The following CAMTA1 variants were observed in gnomAD, a reference collection of about 807,000 sequenced individuals.
CAMTA1 encodes calmodulin binding transcription activator 1.
In CAMTA1, 27 loss-of-function variants were observed where a neutral mutation model predicts 170.9. That is an observed-to-expected ratio of 0.16 (90% CI 0.12 to 0.22). The LOEUF is 0.22. Ranked by LOEUF, CAMTA1 falls within the 10% of genes least tolerant of loss-of-function variation. CAMTA1 has a pLI of 1.00. For missense variants in CAMTA1, 1,619 were observed against 2,217.2 expected, an observed-to-expected ratio of 0.73 and a Z score of 5.42; for synonymous variants, 833 against 891.5, an observed-to-expected ratio of 0.93 and a Z score of 1.17.
chr1:7,656,473 C>T (rs1240204786), intron 7 of CAMTA1, among the ~76,000 whole-genome samples: 1 of 152,246 alleles, frequency 6.6e-6, no homozygotes, highest in African/African-American at 2.4e-5. Flanking sequence ...ACCGTAATTA[C>T]CTCCTTAAAA....
intron 3 of CAMTA1, among the ~76,000 whole-genome samples, chr1:7,045,700 T>G (rs1705275676): frequency 6.6e-6 from 1 of 152,240 alleles, no homozygotes; most frequent in Non-Finnish European, 1.5e-5. Flanking sequence ...TTGTGCTGAT[T>G]AAGCCCAAAT....
intron 5 of CAMTA1, among the ~76,000 whole-genome samples, chr1:7,440,200 G>A (rs1377475322): frequency 1.3e-5 from 2 of 152,280 alleles, no homozygotes; most frequent in Non-Finnish European, 2.9e-5. Flanking sequence ...CTGGTGGGGA[G>A]AGGTGTCCAC....
At chr1:7,031,706 A>AT (rs1248242580) in intron 3 of CAMTA1, among the ~76,000 whole-genome samples, 2 of 151,804 alleles carry the variant, frequency 1.3e-5, no homozygotes, top group African/African-American at 2.4e-5. Flanking sequence ...TGCCCAGCTA[A>AT]TTTTTTTGTA....
chr1:7,610,294 C>T (rs1370296861), intron 6 of CAMTA1, among the ~76,000 whole-genome samples: 1 of 152,222 alleles, frequency 6.6e-6, no homozygotes, highest in African/African-American at 2.4e-5. Context: ...TGTCCCCAAA[C>T]CGGTGGCTCC....
Position 7,561,270 on chromosome 1 carries a change from C to T in CAMTA1, c.511-79130C>T, listed in dbSNP as rs1034616219. 6.6e-6 allele frequency among the ~76,000 whole-genome samples: 1 copy of T among 151,736 alleles called. No individual in the cohort carries two copies. The highest frequency in any genetic ancestry group is 1.5e-5 in the Non-Finnish European group (1 of 67,884). The stretch of plus-strand genomic sequence containing the variant: ...GATATTGATCATCCCAGCCCCTCTA[C>T]CATCTGCTCAGCTACCAAGGCTGAG... On this transcript the variant is annotated intron_variant, in intron 6 of 22. Transcript: ENST00000303635. This position sits in a 1 kb window ranked among gnomAD's most constrained non-coding sequence, Gnocchi z 5.3.
intron 22 of CAMTA1, among the ~76,000 whole-genome samples, chr1:7,766,214 ATTCTTAG>A (rs1394681151): frequency 2.6e-5 from 4 of 152,002 alleles, no homozygotes; most frequent in Non-Finnish European, 5.9e-5. Flanking sequence ...ATTTTGCTCT[ATTCTTAG>A]AGCGCTCGAT....
rs1483646463 is a variant in CAMTA1 at position 7,534,668 on chromosome 1, C to T, written c.510+66767C>T. On this transcript the variant is annotated intron_variant, in intron 6 of 22. Coordinates refer to ENST00000303635, the MANE Select transcript of CAMTA1 (RefSeq NM_015215.4). This position sits in a 1 kb window ranked among gnomAD's most constrained non-coding sequence, Gnocchi z 5.6. ...GTCCAGGGTCACAGCAGTGGACGTT[C>T]GGGCCGAGGGGAGCTGAGGCCACGG... is the stretch of plus-strand genomic sequence containing the variant. 6.6e-6 allele frequency among the ~76,000 whole-genome samples: 1 copy of T among 152,124 alleles called. No individual in the cohort carries two copies. The highest frequency in any genetic ancestry group is 1.5e-5 in the Non-Finnish European group (1 of 68,032).
At chr1:6,825,004 C>A in intron 2 of CAMTA1, 88 bp from the exon 3 acceptor site, 1 of 711,052 alleles carries the variant, frequency 1.4e-6, no homozygotes, top group Non-Finnish European at 2.3e-6. Flanking sequence ...ATTGACTAAA[C>A]TGAGCTGCTA....
At chr1:6,893,233 C>G (rs1489732910) in intron 3 of CAMTA1, among the ~76,000 whole-genome samples, 4 of 152,056 alleles carry the variant, frequency 2.6e-5, no homozygotes, top group Non-Finnish European at 2.9e-5. Context: ...TGCACTCCAG[C>G]CTGGGCGACA....
intron 5 of CAMTA1, among the ~76,000 whole-genome samples, chr1:7,253,424 C>T (rs1044195980): frequency 1.3e-5 from 2 of 152,132 alleles, no homozygotes; most frequent in Admixed American, 6.5e-5. Context: ...GTCCTGTGTC[C>T]GCATCTCTCT....
intron 6 of CAMTA1, among the ~76,000 whole-genome samples, chr1:7,473,104 A>G (rs1011124): frequency 0.66 from 100,941 of 152,086 alleles, 35,039 homozygotes; most frequent in African/African-American, 0.88. Flanking sequence ...TGGGCCTTCC[A>G]TCCCCAGAGT....
intron 7 of CAMTA1, among the ~76,000 whole-genome samples, chr1:7,648,620 A>G (rs562571151): frequency 6.6e-6 from 1 of 152,298 alleles, no homozygotes; most frequent in South Asian, 2.1e-4. Flanking sequence ...GCTGAATGTC[A>G]GGAGTGAGCT....
intron 10 of CAMTA1, 23 bp downstream of exon 10, chr1:7,671,060 C>A (rs2149222409): frequency 6.2e-7 from 1 of 1,611,404 alleles, no homozygotes; most frequent in East Asian, 2.2e-5. Flanking sequence ...CCCCCCAGGC[C>A]CCCAAGGTGA....
rs144902414 is a variant in CAMTA1, at chr1:7,534,182, A to G, written c.510+66281A>G. Among the ~76,000 whole-genome samples, 238 of 152,292 alleles carry G rather than the reference A, an allele frequency of 1.6e-3. No homozygotes were observed. The highest frequency in any genetic ancestry group is 2.8e-3 in the Non-Finnish European group (192 of 68,016). On this transcript the variant is annotated intron_variant, in intron 6 of 22. Coordinates refer to ENST00000303635, the MANE Select transcript of CAMTA1 (RefSeq NM_015215.4). This position sits in a 1 kb window ranked among gnomAD's most constrained non-coding sequence, Gnocchi z 5.6. ...AAGCCATACATCTTGGTGTGTGACA[A>G]ATCACTTTTTAATTGCCTGAAGGAA...
At chr1:7,448,914 G>T (rs938275465) in intron 5 of CAMTA1, among the ~76,000 whole-genome samples, 1 of 152,242 alleles carries the variant, frequency 6.6e-6, no homozygotes, top group South Asian at 2.1e-4. Context: ...CTGCCTGCTT[G>T]CTCTGAGGCA....
chr1:7,578,431 T>G (rs1036584318), intron 6 of CAMTA1, among the ~76,000 whole-genome samples: 6 of 152,178 alleles, frequency 3.9e-5, no homozygotes, highest in Non-Finnish European at 8.8e-5. Context: ...AGACCCCTTG[T>G]TCCCAGGGCA....
At chr1:7,655,830 C>T (rs1381809553) in intron 7 of CAMTA1, among the ~76,000 whole-genome samples, 1 of 152,196 alleles carries the variant, frequency 6.6e-6, no homozygotes, top group Non-Finnish European at 1.5e-5. Context: ...TGGTGTGGAC[C>T]TTTAGCCACA....
rs777944750 is a variant in CAMTA1 at position 7,664,474 on chromosome 1, G to A, written c.1927G>A (p.Val643Met). 25 of 1,613,214 alleles carry A rather than the reference G, an allele frequency of 1.5e-5. No individual in the cohort carries two copies. The highest frequency in any genetic ancestry group is 7.7e-5 in the South Asian group (7 of 91,088). ...CCTGAGTGACTCTGGGGGCACCTTC[G>A]TGATGCCCACGGTGAAAACGGAGGC... is the stretch of plus-strand genomic sequence containing the variant. ...SSLSDSGGTF[V>M]MPTVKTEASS... The change falls in exon 9 of 23, where the codon GTG (valine) becomes ATG (methionine). Residue 643 changes from valine to methionine, a missense_variant. Around this residue, in one of 8 missense-constraint regions of CAMTA1, gnomAD observed 731 missense variants for 907.6 expected, o/e 0.81. Transcript: ENST00000303635.
At chr1:6,896,587 A>C (rs1026824175) in intron 3 of CAMTA1, among the ~76,000 whole-genome samples, 6 of 152,162 alleles carry the variant, frequency 3.9e-5, no homozygotes, top group African/African-American at 1.4e-4. Context: ...TCCACCTGGC[A>C]ACATCCAAGC....
Sources: gnomAD v4.1 joint callset for allele counts (sites outside exome capture counted in the v4.1 genomes callset) on GRCh38, gnomAD v4.1.1 for gene constraint, gnomAD v4.1.1 regional missense constraint, Gnocchi (gnomAD v3.1) non-coding constraint, MANE v1.5 for transcripts, NCBI Gene and HGNC (gene_info 2026-07-23, HGNC 2026-07-21) for gene names.